Variants in CTIF observed in about 807,000 individuals in gnomAD.
CTIF encodes the protein cap binding complex dependent translation initiation factor.
CTIF carries 21 observed loss-of-function variants against 66.0 expected under a neutral mutation model. The observed-to-expected ratio is 0.32, with a 90% CI of 0.23 to 0.46. The LOEUF is 0.46. Ranked by LOEUF, CTIF falls within the 20% of genes least tolerant of loss-of-function variation. The probability of loss-of-function intolerance (pLI) is 1.00; values close to 1 mark genes in which losing one functional copy is unlikely to be tolerated. For missense variants in CTIF, 739 were observed against 812.7 expected, an observed-to-expected ratio of 0.91 and a Z score of 1.10; for synonymous variants, 345 against 326.4, an observed-to-expected ratio of 1.06 and a Z score of -0.62.
In CTIF at chr18:48,704,669, C is replaced by G. The variant is rs372993314; in HGVS notation, c.508-6950C>G. On this transcript the variant is annotated intron_variant, in intron 6 of 11. Coordinates refer to ENST00000256413, the MANE Select transcript of CTIF (RefSeq NM_014772.3). Reference sequence around the variant, plus strand: ...TCTTGCAGTGTCCCCCCAGTCCTCACGCGGCCTTGTTTTTACAAGGACATC... The same window carrying G: ...TCTTGCAGTGTCCCCCCAGTCCTCAGGCGGCCTTGTTTTTACAAGGACATC... Among the ~76,000 whole-genome samples the G allele has an allele frequency of 7.3e-4, 111 of 152,332 alleles. 1 individual carries two copies. The highest frequency in any genetic ancestry group is 2.6e-3 in the African/African-American group (110 of 41,578).
intron 2 of CTIF, among the ~76,000 whole-genome samples, chr18:48,627,571 T>C (rs1443634270): frequency 6.6e-6 from 1 of 151,260 alleles, no homozygotes; most frequent in Non-Finnish European, 1.5e-5. Context: ...ATACAAAAAT[T>C]AGCTGGGCAT....
chr18:48,698,542 A>G (rs368811489), intron 6 of CTIF, among the ~76,000 whole-genome samples: 32 of 152,208 alleles, frequency 2.1e-4, no homozygotes, highest in African/African-American at 7.7e-4. Flanking sequence ...TTACTGGTTT[A>G]TGAAATTTGA....
chr18:48,826,836 G>A (rs1362324812), intron 10 of CTIF: 1 of 152,262 alleles, frequency 6.6e-6, no homozygotes, highest in Non-Finnish European at 1.5e-5. Context: ...TCAGCGAAGA[G>A]CTTGCAATCC....
In CTIF at chr18:48,619,583, A is replaced by C; in HGVS notation, c.18A>C (p.Ala6=). The C allele has an allele frequency of 6.3e-7, 1 of 1,580,888 alleles. No individual in the cohort carries two copies. The change falls in exon 2 of 12, where the codon GCA becomes GCC. Residue 6 remains alanine (A), a synonymous_variant. Coordinates refer to ENST00000256413, the MANE Select transcript of CTIF (RefSeq NM_014772.3). The part of the protein sequence containing the change: MENSS[A]ASASSEAGSS... ...CTGGAGGGATGGAAAACTCCTCTGCAGCATCAGCCTCCTCGGAGGCAGGGA... is the reference window on the plus strand; with the variant it reads ...CTGGAGGGATGGAAAACTCCTCTGCCGCATCAGCCTCCTCGGAGGCAGGGA...
intron 9 of CTIF, among the ~76,000 whole-genome samples, chr18:48,786,854 C>T (rs949319124): frequency 4.0e-5 from 6 of 151,744 alleles, no homozygotes; most frequent in African/African-American, 1.5e-4. Flanking sequence ...CTTCCCCCCA[C>T]CCACCCCCAG....
chr18:48,641,007 T>G (rs2090918848), intron 3 of CTIF, among the ~76,000 whole-genome samples: 1 of 152,202 alleles, frequency 6.6e-6, no homozygotes, highest in South Asian at 2.1e-4. Flanking sequence ...TGCCGGCAAC[T>G]GGGATTCAGC....
In CTIF at chr18:48,736,630, T is replaced by C. The variant is rs187150267; in HGVS notation, c.585-21289T>C. Among the ~76,000 whole-genome samples, 28 of 152,270 alleles carry C rather than the reference T, an allele frequency of 1.8e-4. No individual in the cohort carries two copies. The East Asian group carries it at 5.2e-3, about 28-fold the overall frequency. On this transcript the variant is annotated intron_variant, in intron 7 of 11. Transcript: ENST00000256413. ...GGTTGGGGGAAGAAGGAAAAACATATAGAATGGGTGGCTCCAGACTTGAAA... is the reference window on the plus strand; with the variant it reads ...GGTTGGGGGAAGAAGGAAAAACATACAGAATGGGTGGCTCCAGACTTGAAA...
At chr18:48,686,658 A>G (rs935474400) in intron 6 of CTIF, among the ~76,000 whole-genome samples, 2 of 152,096 alleles carry the variant, frequency 1.3e-5, no homozygotes, top group African/African-American at 2.4e-5. Flanking sequence ...ACCAAAGTGT[A>G]GTTTCCTGGC....
At chr18:48,626,380 C>A (rs1263432533) in intron 2 of CTIF, among the ~76,000 whole-genome samples, 30 of 151,612 alleles carry the variant, frequency 2.0e-4, no homozygotes, top group Non-Finnish European at 2.9e-5. Context: ...ATGAGTCTTG[C>A]ACTATCGCCC....
At chr18:48,573,946 G>A (rs577170853) in intron 1 of CTIF, among the ~76,000 whole-genome samples, 1 of 152,204 alleles carries the variant, frequency 6.6e-6, no homozygotes, top group East Asian at 1.9e-4. Context: ...TCATTACCCA[G>A]GGGGAAGGCA....
At chr18:48,584,634 T>A (rs1044923289) in intron 1 of CTIF, among the ~76,000 whole-genome samples, 1 of 152,120 alleles carries the variant, frequency 6.6e-6, no homozygotes, top group African/African-American at 2.4e-5. Context: ...GCCCAGGCCA[T>A]CCCAAACTGG....
rs145733536 is a variant in CTIF at position 48,842,418 on chromosome 18, C to T, written c.1528-15170C>T. ...GTGGGTGGGAGTGCTAGAGGGAATA[C>T]GGGAATATATTATAGAAGATGGGTC... On this transcript the variant is annotated intron_variant, in intron 10 of 11. Coordinates refer to ENST00000256413, the MANE Select transcript of CTIF (RefSeq NM_014772.3). Among the ~76,000 whole-genome samples the T allele has an allele frequency of 2.3e-3, 348 of 152,256 alleles. 2 individuals carry two copies. Among genetic ancestry groups the T allele is most frequent in the African/African-American group, 7.9e-3 (330 of 41,542 alleles).
intron 9 of CTIF, among the ~76,000 whole-genome samples, chr18:48,793,688 C>A (rs2067844575): frequency 6.6e-6 from 1 of 152,182 alleles, no homozygotes; most frequent in Non-Finnish European, 1.5e-5. Flanking sequence ...AGTTTATCTT[C>A]ATTTATTGAC....
chr18:48,759,403 C>G (rs970240777), intron 8 of CTIF, among the ~76,000 whole-genome samples: 8 of 152,224 alleles, frequency 5.3e-5, no homozygotes, highest in African/African-American at 1.9e-4. Context: ...AGGGTCCACA[C>G]TCAGGCAGGA....
At chr18:48,812,447 A>G (rs960364193) in intron 9 of CTIF, among the ~76,000 whole-genome samples, 2 of 152,180 alleles carry the variant, frequency 1.3e-5, no homozygotes, top group African/African-American at 2.4e-5. Context: ...TTAACCTCAA[A>G]TAAAGAAGTA....
intron 10 of CTIF, among the ~76,000 whole-genome samples, chr18:48,835,769 G>A (rs2068794759): frequency 6.6e-6 from 1 of 152,154 alleles, no homozygotes; most frequent in Non-Finnish European, 1.5e-5. Context: ...GACATGTCAG[G>A]CCAGGTGTGG....
intron 3 of CTIF, among the ~76,000 whole-genome samples, chr18:48,644,378 C>T (rs906706005): frequency 6.6e-6 from 1 of 152,196 alleles, no homozygotes; most frequent in Admixed American, 6.5e-5. Context: ...TGGGACATGA[C>T]ACAGTGGTCC....
intron 5 of CTIF, among the ~76,000 whole-genome samples, chr18:48,666,681 C>T (rs956607094): frequency 6.6e-6 from 1 of 152,178 alleles, no homozygotes; most frequent in Admixed American, 6.5e-5. Context: ...GGAGAGATGG[C>T]TTTGCGCATG....
intron 1 of CTIF, among the ~76,000 whole-genome samples, chr18:48,547,174 C>T (rs1464221279): frequency 6.6e-6 from 1 of 152,158 alleles, no homozygotes; most frequent in African/African-American, 2.4e-5. Context: ...GACAGCTGCA[C>T]AACTCGGGGA....
Sources: gnomAD v4.1 joint callset for allele counts (sites outside exome capture counted in the v4.1 genomes callset) on GRCh38, gnomAD v4.1.1 for gene constraint, MANE v1.5 for transcripts, NCBI Gene and HGNC (gene_info 2026-07-23, HGNC 2026-07-21) for gene names.